MTA1: variants seen among roughly 807,000 people sequenced by gnomAD.
MTA1 encodes the protein metastasis-associated protein MTA1.
In MTA1, 15 loss-of-function variants were observed where a neutral mutation model predicts 97.0. The ratio of observed to expected loss-of-function variants is 0.15; its 90% CI spans 0.10 to 0.24. MTA1 has a LOEUF of 0.24. Among genes scored for constraint, MTA1 ranks in the 10% least tolerant of loss-of-function variants. The pLI is 1.00. For missense variants in MTA1, 709 were observed against 1,015.1 expected (o/e 0.70, Z 4.10); for synonymous variants, 435 against 417.5 (o/e 1.04, Z -0.51).
intron 1 of MTA1, among the ~76,000 whole-genome samples, chr14:105,421,832 T>C (rs1555420973): frequency 2.0e-5 from 3 of 152,208 alleles, no homozygotes. Flanking sequence ...TTCGTGGGGC[T>C]GCGCCGCCCT....
chr14:105,463,153 C>G lies in MTA1; in HGVS notation c.943-31C>G. On this transcript the variant is annotated intron_variant, in intron 10 of 20. Coordinates refer to ENST00000331320, the MANE Select transcript of MTA1 (RefSeq NM_004689.4). The surrounding 1 kb of genome is among the most constrained non-coding windows in gnomAD (Gnocchi z 5.9). ...TGGTGTGCCTGCCTCCTGCCCCTTCCTGCTTGTGTGACACGCCTCCTCCCA... is the reference window on the plus strand; with the variant it reads ...TGGTGTGCCTGCCTCCTGCCCCTTCGTGCTTGTGTGACACGCCTCCTCCCA... 2 of 1,607,190 alleles carry G rather than the reference C, an allele frequency of 1.2e-6. No individual in the cohort carries two copies. Among genetic ancestry groups the G allele is most frequent in the Non-Finnish European group, 1.7e-6 (2 of 1,177,342 alleles).
intron 9 of MTA1, 140 bp downstream of exon 9, chr14:105,460,597 C>A: frequency 8.5e-7 from 1 of 1,178,032 alleles, no homozygotes; most frequent in Non-Finnish European, 1.2e-6. Flanking sequence ...CCTGGACTGG[C>A]CTTTCCTATC....
intron 1 of MTA1, among the ~76,000 whole-genome samples, chr14:105,431,306 A>G (rs1555423294): frequency 6.6e-6 from 1 of 151,910 alleles, no homozygotes. Flanking sequence ...CAGGTGATCC[A>G]CCCACCTTGG....
chr14:105,469,854 ACCT>A lies in MTA1; in HGVS notation c.1863_1865del (p.Leu623del), dbSNP rs782411284. On this transcript the variant is annotated inframe_deletion, in exon 20 of 21. Transcript: ENST00000331320. ...CCCCCTCTGCAGGGACCAAGCCGGA[ACCT>A]CCTGCTCAACGGGAAGTCCTACCCC... is the stretch of plus-strand genomic sequence containing the variant. 2.1e-5 allele frequency: 33 copies of A among 1,607,498 alleles called. No individual in the cohort carries two copies. Among genetic ancestry groups the A allele is most frequent in the Non-Finnish European group, 2.8e-5 (33 of 1,177,720 alleles).
chr14:105,438,834 C>T (rs1401281461), intron 2 of MTA1, 95 bp downstream of exon 2: 33 of 1,309,620 alleles, frequency 2.5e-5, no homozygotes, highest in Admixed American at 1.4e-4. Context: ...GGCCCCCTTT[C>T]GGGGCTGATC....
At chr14:105,437,348 T>G (rs1300806177) in intron 1 of MTA1, among the ~76,000 whole-genome samples, 1 of 142,542 alleles carries the variant, frequency 7.0e-6, no homozygotes, top group Non-Finnish European at 1.5e-5. Context: ...TCCTCATGGG[T>G]GTGTGGCTGC....
chr14:105,437,405 G>T (rs969441058), intron 1 of MTA1, among the ~76,000 whole-genome samples: 2 of 151,954 alleles, frequency 1.3e-5, no homozygotes, highest in Non-Finnish European at 2.9e-5. Context: ...CCTCATGGGC[G>T]TGTGACTGCA....
chr14:105,428,981 C>A (rs891280683), intron 1 of MTA1, among the ~76,000 whole-genome samples: 1 of 152,202 alleles, frequency 6.6e-6, no homozygotes, highest in Non-Finnish European at 1.5e-5. Context: ...TGCCTTGACT[C>A]CCAAAATGCT....
intron 2 of MTA1, among the ~76,000 whole-genome samples, chr14:105,443,635 A>C (rs8013804): frequency 0.93 from 141,225 of 152,240 alleles, 66,426 homozygotes; most frequent in East Asian, 1. Context: ...CCCATTTATA[A>C]CATTAAACCA....
chr14:105,466,781 C>T (rs894415342), intron 18 of MTA1, 39 bp downstream of exon 18: 6 of 1,549,296 alleles, frequency 3.9e-6, no homozygotes, highest in South Asian at 1.2e-5. Flanking sequence ...GCGCCGGCCC[C>T]GCCCGTGATG....
chr14:105,468,947 C>T (rs2083711332), intron 18 of MTA1: 1 of 319,708 alleles, frequency 3.1e-6, no homozygotes, highest in Non-Finnish European at 6.2e-6. Context: ...TCTGGCACCC[C>T]ATCCCCAAGC....
intron 1 of MTA1, among the ~76,000 whole-genome samples, chr14:105,423,689 G>T (rs1351388497): frequency 1.3e-5 from 2 of 152,372 alleles, no homozygotes; most frequent in East Asian, 3.9e-4. Context: ...TGTCCGTGCT[G>T]CTGGTCTTCA....
At chr14:105,445,696 C>T (rs781961357) in intron 3 of MTA1, 185 bp downstream of exon 3, 26 of 720,860 alleles carry the variant, frequency 3.6e-5, no homozygotes, top group South Asian at 1.5e-4. Flanking sequence ...TCCGTTTCCT[C>T]GGGGGCTGGG....
At position 105,466,281 on chromosome 14, in the gene MTA1, C is replaced by G. The variant is rs1182226046; in HGVS notation, c.1625-145C>G. The G allele has an allele frequency of 4.2e-6, 3 of 711,598 alleles. No homozygotes were observed. In the African/African-American group the frequency reaches 5.6e-5, roughly 13 times the overall value. 44.1% of individuals were successfully genotyped at this position (711,598 alleles called of 1,614,324 possible). On this transcript the variant is annotated intron_variant, in intron 16 of 20. Coordinates refer to ENST00000331320, the MANE Select transcript of MTA1 (RefSeq NM_004689.4). ...CTGTGGTGACCTCCCCACTTCCAGC[C>G]CAGTCAGGATGGGGCCTCGGGTGGG...
chr14:105,444,835 C>T (rs1311442661), intron 2 of MTA1, among the ~76,000 whole-genome samples: 1 of 151,886 alleles, frequency 6.6e-6, no homozygotes, highest in East Asian at 1.9e-4. Context: ...CCATTAGGCA[C>T]TTGCACTGTG....
intron 1 of MTA1, among the ~76,000 whole-genome samples, chr14:105,423,669 G>A (rs144952433): frequency 9.8e-5 from 15 of 152,376 alleles, no homozygotes; most frequent in Non-Finnish European, 1.3e-4. Flanking sequence ...CAGCCTGGGC[G>A]GAAGCACCCT....
At position 105,470,411 on chromosome 14, in the gene MTA1, TGTC is replaced by T; in HGVS notation, c.*199_*201del. 3.9e-6 allele frequency: 2 copies of T among 519,246 alleles called. No individual in the cohort carries two copies. Among genetic ancestry groups the T allele is most frequent in the East Asian group, 3.9e-5 (1 of 25,450 alleles). The allele number at this position is 519,246 out of a possible 1,614,324, so 32.2% of individuals were successfully genotyped here. A position where few individuals can be genotyped will look rare whatever the true frequency, so the allele number is the denominator to read the frequency against. On this transcript the variant is annotated 3_prime_UTR_variant, in exon 21 of 21. Coordinates refer to ENST00000331320, the MANE Select transcript of MTA1 (RefSeq NM_004689.4). The stretch of plus-strand genomic sequence containing the variant: ...ACTTATTCCGAGAATGCCGAGGAGT[TGTC>T]GTTTTTAGCTTTGTGTTTACTTTTT...
intron 1 of MTA1, among the ~76,000 whole-genome samples, chr14:105,423,260 C>T (rs2081906250): frequency 7.3e-6 from 1 of 136,940 alleles, no homozygotes; most frequent in Admixed American, 7.7e-5. Context: ...TGCTCTGTGG[C>T]CCAAGCTGGA....
rs781864712 is a variant in MTA1 at position 105,466,413 on chromosome 14, T to A, written c.1625-13T>A. On this transcript the variant is annotated splice_polypyrimidine_tract_variant and intron_variant, in intron 16 of 20. Coordinates refer to ENST00000331320, the MANE Select transcript of MTA1 (RefSeq NM_004689.4). ...GCAGAGGCAACTCGTTCTGCCTGTGTCATTCCCGGCAGAGACCCACCCCCG... is the reference window on the plus strand; with the variant it reads ...GCAGAGGCAACTCGTTCTGCCTGTGACATTCCCGGCAGAGACCCACCCCCG... 3.8e-6 allele frequency: 6 copies of A among 1,597,512 alleles called. No homozygotes were observed. The highest frequency in any genetic ancestry group is 5.1e-6 in the Non-Finnish European group (6 of 1,170,714).
Sources: gnomAD v4.1 joint callset for allele counts (sites outside exome capture counted in the v4.1 genomes callset) on GRCh38, gnomAD v4.1.1 for gene constraint, Gnocchi (gnomAD v3.1) non-coding constraint, MANE v1.5 for transcripts, NCBI Gene and HGNC (gene_info 2026-07-23, HGNC 2026-07-21) for gene names.